The following CFAP299 variants were observed in gnomAD, a reference collection of about 807,000 sequenced individuals.
CFAP299 encodes the protein cilia and flagella associated protein 299, also known as cilia- and flagella-associated protein 299.
In CFAP299, 21 loss-of-function variants were observed where a neutral mutation model predicts 27.0. The ratio of observed to expected loss-of-function variants is 0.78; its 90% CI spans 0.55 to 1.12. The LOEUF is 1.12. CFAP299 is among the 50% of genes most tolerant of loss of function. The pLI is 0.00. For missense variants in CFAP299, 310 were observed against 276.6 expected (o/e 1.12, Z -0.86); for synonymous variants, 104 against 98.1 (o/e 1.06, Z -0.36).
intron 2 of CFAP299, among the ~76,000 whole-genome samples, chr4:80,364,587 TTTG>T (rs1409787092): frequency 2.0e-5 from 3 of 152,196 alleles, no homozygotes; most frequent in Non-Finnish European, 4.4e-5. Context: ...AGGCCCTTTG[TTTG>T]TTATTTCTTC....
chr4:80,800,418 T>C (rs1192962445), intron 3 of CFAP299, among the ~76,000 whole-genome samples: 1 of 65,190 alleles, frequency 1.5e-5, no homozygotes, highest in East Asian at 6.0e-4. Flanking sequence ...GATATATTAA[T>C]ATAATATATA....
intron 2 of CFAP299, among the ~76,000 whole-genome samples, chr4:80,400,957 T>C (rs1217179495): frequency 6.6e-6 from 1 of 152,178 alleles, no homozygotes; most frequent in Non-Finnish European, 1.5e-5. Flanking sequence ...TGGAGTAAAA[T>C]GACTGTTGCT....
At chr4:80,387,079 C>A in intron 2 of CFAP299, 2 of 1,439,852 alleles carry the variant, frequency 1.4e-6, no homozygotes, top group South Asian at 1.1e-5. Context: ...TTGTGAGTGG[C>A]GGTCTGCAGG....
At chr4:80,656,109 C>T (rs922289920) in intron 3 of CFAP299, among the ~76,000 whole-genome samples, 1 of 151,902 alleles carries the variant, frequency 6.6e-6, no homozygotes. Context: ...CTTGGCTATT[C>T]CGGTGTTTGC....
At chr4:80,902,580 A>AACATATAT (rs1553904752) in intron 4 of CFAP299, among the ~76,000 whole-genome samples, 55 of 82,478 alleles carry the variant, frequency 6.7e-4, no homozygotes, top group African/African-American at 1.7e-3. Context: ...ATATATATGT[A>AACATATAT]ATATATACAC....
intron 2 of CFAP299, among the ~76,000 whole-genome samples, chr4:80,473,575 T>A (rs1315350183): frequency 1.3e-5 from 2 of 151,742 alleles, no homozygotes; most frequent in Non-Finnish European, 2.9e-5. Flanking sequence ...TAAAAAAAAA[T>A]AGATTTTTTT....
intron 4 of CFAP299, among the ~76,000 whole-genome samples, chr4:80,937,302 TTTTTTCTTTC>T (rs1736945588): frequency 1.4e-5 from 2 of 139,904 alleles, no homozygotes; most frequent in African/African-American, 2.9e-5. Flanking sequence ...TTTTTTCTTT[TTTTTTCTTTC>T]TTTTTTTTTT....
chr4:80,625,697 T>C (rs1360252250), intron 3 of CFAP299, among the ~76,000 whole-genome samples: 1 of 151,868 alleles, frequency 6.6e-6, no homozygotes, highest in Non-Finnish European at 1.5e-5. Flanking sequence ...TGGAGAAAAA[T>C]ACTGCATGTA....
At chr4:80,388,615 T>A (rs1725159293) in intron 2 of CFAP299, 3 of 1,402,548 alleles carry the variant, frequency 2.1e-6, no homozygotes, top group Middle Eastern at 3.6e-4. Context: ...CACTCTGGCC[T>A]CTGGGATCAG....
chr4:80,384,266 G>A (rs1379993516), intron 2 of CFAP299, among the ~76,000 whole-genome samples: 3 of 152,130 alleles, frequency 2.0e-5, no homozygotes, highest in Non-Finnish European at 4.4e-5. Context: ...ATAACGTAAA[G>A]GATGATTGGT....
At chr4:80,683,196 ATTCT>A (rs1719954876) in intron 3 of CFAP299, among the ~76,000 whole-genome samples, 1 of 152,218 alleles carries the variant, frequency 6.6e-6, no homozygotes, top group Admixed American at 6.5e-5. Context: ...GTAAATGTGA[ATTCT>A]TTATAAATAA....
chr4:80,526,503 G>T (rs1178585997), intron 2 of CFAP299, among the ~76,000 whole-genome samples: 1 of 151,982 alleles, frequency 6.6e-6, no homozygotes, highest in South Asian at 2.1e-4. Flanking sequence ...CATCTTCGAT[G>T]TTTTTTTCTT....
chr4:80,349,669 GAAA>G (rs1560524586), intron 1 of CFAP299, among the ~76,000 whole-genome samples: 2 of 151,810 alleles, frequency 1.3e-5, no homozygotes, highest in African/African-American at 4.8e-5. Context: ...AATGTAAAAA[GAAA>G]AAAAGATTAT....
chr4:80,412,659 T>G (rs150843428), intron 2 of CFAP299, among the ~76,000 whole-genome samples: 1 of 152,298 alleles, frequency 6.6e-6, no homozygotes, highest in African/African-American at 2.4e-5. Flanking sequence ...AGGACATTTT[T>G]CCAGCATCTT....
At chr4:80,757,545 C>A (rs1041271374) in intron 3 of CFAP299, among the ~76,000 whole-genome samples, 9 of 152,118 alleles carry the variant, frequency 5.9e-5, no homozygotes, top group Non-Finnish European at 1.0e-4. Context: ...AATGTCAAGA[C>A]AATCTTTCTA....
rs184840757 is a variant in CFAP299 at position 80,906,866 on chromosome 4, T to G, written c.476+36731T>G. Among the ~76,000 whole-genome samples the G allele has an allele frequency of 1.6e-3, 240 of 152,286 alleles. 2 individuals carry two copies. Among genetic ancestry groups the G allele is most frequent in the African/African-American group, 5.6e-3 (233 of 41,566 alleles). On this transcript the variant is annotated intron_variant, in intron 4 of 5. Coordinates refer to ENST00000358105, the MANE Select transcript of CFAP299 (RefSeq NM_152770.3). The stretch of plus-strand genomic sequence containing the variant: ...AGAACTGTGATGGGAGGGGCTGCAG[T>G]GAAGGTCTCTGACATGCCCTGGAGA...
intron 3 of CFAP299, among the ~76,000 whole-genome samples, chr4:80,696,288 C>T (rs917264779): frequency 5.9e-5 from 4 of 67,792 alleles, no homozygotes; most frequent in Admixed American, 1.9e-4. Flanking sequence ...AACAGAGCTC[C>T]GTCTCAAAAA....
chr4:80,721,371 C>G (rs1324428834), intron 3 of CFAP299, among the ~76,000 whole-genome samples: 1 of 152,164 alleles, frequency 6.6e-6, no homozygotes, highest in Non-Finnish European at 1.5e-5. Context: ...TGGAAAGCTA[C>G]ATGTCTGAGA....
chr4:80,611,956 T>C (rs1738005877), intron 3 of CFAP299, among the ~76,000 whole-genome samples: 1 of 152,158 alleles, frequency 6.6e-6, no homozygotes, highest in South Asian at 2.1e-4. Flanking sequence ...TTGTAAATTT[T>C]CTAATGCTGA....
Sources: gnomAD v4.1 joint callset for allele counts (sites outside exome capture counted in the v4.1 genomes callset) on GRCh38, gnomAD v4.1.1 for gene constraint, MANE v1.5 for transcripts, NCBI Gene and HGNC (gene_info 2026-07-23, HGNC 2026-07-21) for gene names.